The following GLS variants were observed in gnomAD, a reference collection of about 807,000 sequenced individuals.
GLS encodes the protein glutaminase.
GLS carries 36 observed loss-of-function variants against 86.7 expected under a neutral mutation model. The observed-to-expected ratio is 0.42, with a 90% CI of 0.32 to 0.55. The LOEUF (loss-of-function observed/expected upper bound fraction) is 0.55, where lower values mean the gene tolerates loss of function less well. Ranked by LOEUF, GLS falls within the 20% of genes least tolerant of loss-of-function variation. GLS has a pLI of 0.17. For synonymous variants in GLS, 317 were observed against 305.9 expected (o/e 1.04, Z -0.38); for missense variants, 528 against 833.4 (o/e 0.63, Z 4.51).
At chr2:190,922,718 G>A (rs1468636913) in intron 9 of GLS, among the ~76,000 whole-genome samples, 1 of 151,954 alleles carries the variant, frequency 6.6e-6, no homozygotes, top group East Asian at 1.9e-4. Context: ...TTAAAAGTAC[G>A]GCAAATTGAT....
In GLS at chr2:190,962,317, C is replaced by G. The variant is rs749409757; in HGVS notation, c.1854-513C>G. On this transcript the variant is annotated intron_variant, in intron 17 of 17. Transcript: ENST00000320717. The surrounding 1 kb of genome is among the most constrained non-coding windows in gnomAD (Gnocchi z 4.2). ...AAATGTCAATTCCTTTGGGGCCAATCTTGCTCCTCCAGTGTGTTTTAGCCC... is the reference window on the plus strand; with the variant it reads ...AAATGTCAATTCCTTTGGGGCCAATGTTGCTCCTCCAGTGTGTTTTAGCCC... Among the ~76,000 whole-genome samples the G allele has an allele frequency of 3.9e-5, 6 of 152,190 alleles. No individual in the cohort carries two copies. Among genetic ancestry groups the G allele is most frequent in the Non-Finnish European group, 7.3e-5 (5 of 68,040 alleles).
In GLS at chr2:190,938,509, T is replaced by C. The variant is rs1390218919; in HGVS notation, c.1650+6872T>C. Among the ~76,000 whole-genome samples, 2 of 151,592 alleles carry C rather than the reference T, an allele frequency of 1.3e-5. No individual in the cohort carries two copies. Among genetic ancestry groups the C allele is most frequent in the African/African-American group, 4.8e-5 (2 of 41,420 alleles). On this transcript the variant is annotated intron_variant, in intron 14 of 17. Transcript: ENST00000320717. The surrounding 1 kb of genome is among the most constrained non-coding windows in gnomAD (Gnocchi z 4.1). ...CTTTTATTTACCATAATCTTATATA[T>C]TTTTTAGAATCACAGATTTGAATTT...
At chr2:190,903,908 G>A (rs1689041614) in intron 5 of GLS, among the ~76,000 whole-genome samples, 1 of 152,194 alleles carries the variant, frequency 6.6e-6, no homozygotes, top group Non-Finnish European at 1.5e-5. Flanking sequence ...TTGGGACATT[G>A]TTCAGGGAAC....
At chr2:190,923,861 A>T (rs1689820780) in intron 9 of GLS, 56 bp from the exon 10 acceptor site, 1 of 1,040,610 alleles carries the variant, frequency 9.6e-7, no homozygotes, top group Non-Finnish European at 1.5e-6. Flanking sequence ...GAAATTATGA[A>T]CAATCACACT....
chr2:190,932,678 G>T lies in GLS; in HGVS notation c.1650+1041G>T, dbSNP rs186026275. The T allele has an allele frequency of 4.8e-5, 72 of 1,487,294 alleles. No homozygotes were observed. The African/African-American group carries it at 8.6e-4, about 18-fold the overall frequency. The allele number at this position is 1,487,294 out of a possible 1,614,324, so 92.1% of individuals were successfully genotyped here. A position where few individuals can be genotyped will look rare whatever the true frequency, so the allele number is the denominator to read the frequency against. On this transcript the variant is annotated intron_variant, in intron 14 of 17. Transcript: ENST00000320717. The stretch of plus-strand genomic sequence containing the variant: ...ATAGCTTGGACCTTTCTTCACTCAA[G>T]TGCACTAATAAATTATGTATGTTGC...
chr2:190,908,023 T>C (rs1338962191), intron 6 of GLS, among the ~76,000 whole-genome samples: 2 of 152,188 alleles, frequency 1.3e-5, no homozygotes, highest in Admixed American at 1.3e-4. Context: ...GGATGAATTG[T>C]GGATGGTTGG....
Position 190,942,856 on chromosome 2 carries a change from C to T in GLS, c.1651-10709C>T, listed in dbSNP as rs569863618. On this transcript the variant is annotated intron_variant, in intron 14 of 17. Transcript: ENST00000320717. ...TCAGGGAAACCAACCAGGGCTAGTG[C>T]CATTAGTAAGGTAAACTTCTGTTAC... is the stretch of plus-strand genomic sequence containing the variant. Among the ~76,000 whole-genome samples, 7 of 152,258 alleles carry T rather than the reference C, an allele frequency of 4.6e-5. No individual in the cohort carries two copies. In the South Asian group the frequency reaches 1.5e-3, roughly 32 times the overall value.
intron 11 of GLS, among the ~76,000 whole-genome samples, chr2:190,925,804 A>C (rs1253326702): frequency 6.6e-6 from 1 of 152,162 alleles, no homozygotes; most frequent in Non-Finnish European, 1.5e-5. Flanking sequence ...TAGCCTGGCC[A>C]CTTATTAGCC....
At chr2:190,886,169 C>T (rs993660036) in intron 1 of GLS, among the ~76,000 whole-genome samples, 1 of 152,124 alleles carries the variant, frequency 6.6e-6, no homozygotes, top group African/African-American at 2.4e-5. Context: ...CTGCACCCAG[C>T]CCAGTTTTGT....
intron 1 of GLS, among the ~76,000 whole-genome samples, chr2:190,893,495 G>A (rs147559260): frequency 6.6e-6 from 1 of 152,188 alleles, no homozygotes; most frequent in African/African-American, 2.4e-5. Context: ...ATCCTTGGAG[G>A]ATTAAGTTAG....
intron 14 of GLS, among the ~76,000 whole-genome samples, chr2:190,945,678 A>AAAG (rs906556446): frequency 2.0e-5 from 3 of 151,032 alleles, no homozygotes; most frequent in African/African-American, 7.3e-5. Flanking sequence ...AAAAAAAAAG[A>AAAG]AAAAAAAATT....
At position 190,905,430 on chromosome 2, in the gene GLS, AG is replaced by A. The variant is rs1485234359; in HGVS notation, c.979+264del. Among the ~76,000 whole-genome samples, 4 of 152,086 alleles carry A rather than the reference AG, an allele frequency of 2.6e-5. No individual in the cohort carries two copies. Among genetic ancestry groups the A allele is most frequent in the Admixed American group, 2.0e-4 (3 of 15,278 alleles). Reference sequence around the variant, plus strand: ...ATATAGCGAAATCTCAAAATACATGAGATTTGCTTTAAAATAATTTAGTTAA... The same window carrying A: ...ATATAGCGAAATCTCAAAATACATGAATTTGCTTTAAAATAATTTAGTTAA... On this transcript the variant is annotated intron_variant, in intron 6 of 17. Transcript: ENST00000320717. This position sits in a 1 kb window ranked among gnomAD's most constrained non-coding sequence, Gnocchi z 4.6.
At position 190,927,980 on chromosome 2, in the gene GLS, A is replaced by C. The variant is rs180705804; in HGVS notation, c.1425+498A>C. 3.4e-3 allele frequency among the ~76,000 whole-genome samples: 513 copies of C among 152,162 alleles called. 9 individuals carry two copies. The highest frequency in any genetic ancestry group is 0.012 in the African/African-American group (493 of 41,534). On this transcript the variant is annotated intron_variant, in intron 12 of 17. Coordinates refer to ENST00000320717, the MANE Select transcript of GLS (RefSeq NM_014905.5). ...TTTTTTATTTCATTCTGCTCATGTC[A>C]AGTCATAATGCCCTTCTAAAAGCTT...
Position 190,953,255 on chromosome 2 carries a change from A to G in GLS, c.1651-310A>G, listed in dbSNP as rs1690765086. Among the ~76,000 whole-genome samples the G allele has an allele frequency of 6.6e-6, 1 of 152,246 alleles. No homozygotes were observed. On this transcript the variant is annotated intron_variant, in intron 14 of 17. Transcript: ENST00000320717. This position sits in a 1 kb window ranked among gnomAD's most constrained non-coding sequence, Gnocchi z 4.0. ...AGACATAGAAAATGGGAAGGCTTCT[A>G]AACAATTTTCAGTTGCCCCAACTGT...
chr2:190,888,862 G>T (rs771692137), intron 1 of GLS, among the ~76,000 whole-genome samples: 2 of 152,180 alleles, frequency 1.3e-5, no homozygotes, highest in African/African-American at 2.4e-5. Context: ...TCTGTATCCA[G>T]TTCTGCTTAG....
At chr2:190,933,076 A>G (rs1574607613) in intron 14 of GLS, 2 of 1,004,450 alleles carry the variant, frequency 2.0e-6, no homozygotes, top group East Asian at 1.1e-4. Flanking sequence ...ACAAGTACAT[A>G]AATTTGCTTT....
chr2:190,957,831 G>A (rs185797669), intron 17 of GLS, among the ~76,000 whole-genome samples: 87 of 152,240 alleles, frequency 5.7e-4, no homozygotes, highest in African/African-American at 1.8e-3. Context: ...GAGGATTTTC[G>A]CATCAATATT....
chr2:190,936,320 ATG>A (rs1355679517), intron 14 of GLS, among the ~76,000 whole-genome samples: 2 of 151,044 alleles, frequency 1.3e-5, no homozygotes, highest in African/African-American at 4.8e-5. Flanking sequence ...TTTATATATA[ATG>A]TGTGGGTTGC....
rs921390332 is a variant in GLS, at chr2:190,949,855, CAGAA to C, written c.1651-3706_1651-3703del. Among the ~76,000 whole-genome samples, 1 of 151,580 alleles carries C rather than the reference CAGAA, an allele frequency of 6.6e-6. No individual in the cohort carries two copies. The highest frequency in any genetic ancestry group is 2.4e-5 in the African/African-American group (1 of 41,316). The stretch of plus-strand genomic sequence containing the variant: ...TAGACACTGAGTTTACGGTGGGGAA[CAGAA>C]AGACAAGTGGTCTCTGCCCACATGG... On this transcript the variant is annotated intron_variant, in intron 14 of 17. Transcript: ENST00000320717. The surrounding 1 kb of genome is among the most constrained non-coding windows in gnomAD (Gnocchi z 4.0).
Sources: gnomAD v4.1 joint callset for allele counts (sites outside exome capture counted in the v4.1 genomes callset) on GRCh38, gnomAD v4.1.1 for gene constraint, Gnocchi (gnomAD v3.1) non-coding constraint, MANE v1.5 for transcripts, NCBI Gene and HGNC (gene_info 2026-07-23, HGNC 2026-07-21) for gene names.